The following SRD5A1 variants were observed in gnomAD, a reference collection of about 807,000 sequenced individuals.
SRD5A1 encodes the protein 3-oxo-5-alpha-steroid 4-dehydrogenase 1.
A neutral mutation model predicts 28.2 loss-of-function variants in SRD5A1; 22 were observed. That is an observed-to-expected ratio of 0.78 (90% CI 0.56 to 1.12). The LOEUF (loss-of-function observed/expected upper bound fraction) is 1.12, where lower values mean the gene tolerates loss of function less well. Among genes scored for constraint, SRD5A1 ranks in the 50% most tolerant of loss-of-function variants. The probability of loss-of-function intolerance (pLI) is 0.00; values close to 1 mark genes in which losing one functional copy is unlikely to be tolerated. For synonymous variants in SRD5A1, 151 were observed against 135.0 expected, an observed-to-expected ratio of 1.12 and a Z score of -0.82; for missense variants, 300 against 346.7, an observed-to-expected ratio of 0.87 and a Z score of 1.07.
chr5:6,641,467 C>G (rs377615944), intron 1 of SRD5A1, among the ~76,000 whole-genome samples: 6 of 152,172 alleles, frequency 3.9e-5, no homozygotes, highest in African/African-American at 1.4e-4. Context: ...CAAGTCAGAG[C>G]TCTCTAGAGG....
At chr5:6,648,443 A>G (rs1308163641) in intron 1 of SRD5A1, among the ~76,000 whole-genome samples, 2 of 152,182 alleles carry the variant, frequency 1.3e-5, no homozygotes, top group African/African-American at 4.8e-5. Flanking sequence ...GTCTTTTCAC[A>G]TAGTACCATA....
At chr5:6,661,402 A>AC (rs1738995805) in intron 3 of SRD5A1, among the ~76,000 whole-genome samples, 1 of 151,462 alleles carries the variant, frequency 6.6e-6, no homozygotes, top group African/African-American at 2.4e-5. Context: ...TCCAAAAAAA[A>AC]AAAAAAAAGG....
In SRD5A1 at chr5:6,633,464, C is replaced by T; in HGVS notation, c.-113C>T. 8.2e-7 allele frequency: 1 copy of T among 1,224,608 alleles called. No individual in the cohort carries two copies. Among genetic ancestry groups the T allele is most frequent in the Non-Finnish European group, 1.1e-6 (1 of 932,730 alleles). 75.9% of individuals were successfully genotyped at this position (1,224,608 alleles called of 1,614,324 possible). On this transcript the variant is annotated 5_prime_UTR_variant, in exon 1 of 5. Coordinates refer to ENST00000274192, the MANE Select transcript of SRD5A1 (RefSeq NM_001047.4). Reference sequence around the variant, plus strand: ...CCCTTTCTGCAGAGTCCCGGCAGTGCGGGACTCCGGTAGCCGCCCCTCCGG... The same window carrying T: ...CCCTTTCTGCAGAGTCCCGGCAGTGTGGGACTCCGGTAGCCGCCCCTCCGG...
chr5:6,659,609 G>A (rs760569195), intron 3 of SRD5A1, among the ~76,000 whole-genome samples: 18 of 152,158 alleles, frequency 1.2e-4, no homozygotes, highest in Non-Finnish European at 2.5e-4. Context: ...TTGCAGGTAC[G>A]CACCCTATAC....
chr5:6,640,386 A>G (rs1344870153), intron 1 of SRD5A1, among the ~76,000 whole-genome samples: 1 of 152,244 alleles, frequency 6.6e-6, no homozygotes, highest in African/African-American at 2.4e-5. Flanking sequence ...CTGGCCATTA[A>G]AGCACCAAAT....
intron 1 of SRD5A1, among the ~76,000 whole-genome samples, chr5:6,639,900 A>G (rs971035325): frequency 6.6e-6 from 1 of 152,234 alleles, no homozygotes; most frequent in African/African-American, 2.4e-5. Flanking sequence ...ATATTGTGGT[A>G]TTATCTTTTT....
Position 6,662,979 on chromosome 5 carries a change from A to G in SRD5A1, c.713+13A>G. On this transcript the variant is annotated intron_variant, in intron 4 of 4. Coordinates refer to ENST00000274192, the MANE Select transcript of SRD5A1 (RefSeq NM_001047.4). ...AAGAGCATCATGAGTAAGTTTTAAA[A>G]CACTTTTACCATTTGTAATTTGTTC... is the stretch of plus-strand genomic sequence containing the variant. 1.2e-6 allele frequency: 2 copies of G among 1,613,366 alleles called. No individual in the cohort carries two copies. Among genetic ancestry groups the G allele is most frequent in the Non-Finnish European group, 1.7e-6 (2 of 1,179,636 alleles).
chr5:6,644,338 A>T (rs1738445995), intron 1 of SRD5A1, among the ~76,000 whole-genome samples: 2 of 152,060 alleles, frequency 1.3e-5, no homozygotes, highest in Non-Finnish European at 2.9e-5. Context: ...ATCTTGCTAA[A>T]CCAAATCCAG....
chr5:6,661,394 CAA>C (rs3996846), intron 3 of SRD5A1, among the ~76,000 whole-genome samples: 3 of 128,468 alleles, frequency 2.3e-5, no homozygotes, highest in Non-Finnish European at 3.2e-5. Context: ...TACAAAACTC[CAA>C]AAAAAAAAAA....
intron 1 of SRD5A1, among the ~76,000 whole-genome samples, chr5:6,643,065 C>G (rs1738411618): frequency 6.6e-6 from 1 of 151,438 alleles, no homozygotes; most frequent in Non-Finnish European, 1.5e-5. Flanking sequence ...ATTTTTATCA[C>G]CATCATTTGC....
Position 6,669,426 on chromosome 5 carries a change from T to TA in SRD5A1, c.*1163dup, listed in dbSNP as rs1739297165. On this transcript the variant is annotated 3_prime_UTR_variant, in exon 5 of 5. Coordinates refer to ENST00000274192, the MANE Select transcript of SRD5A1 (RefSeq NM_001047.4). Reference sequence around the variant, plus strand: ...CTTCATGACTTGAATTCTACTTTGATAAAAACATTGCCATACTGCTTTTTA... The same window carrying TA: ...CTTCATGACTTGAATTCTACTTTGATAAAAAACATTGCCATACTGCTTTTTA... 1 of 152,242 alleles carries TA rather than the reference T, an allele frequency of 6.6e-6. No homozygotes were observed. Among genetic ancestry groups the TA allele is most frequent in the South Asian group, 2.1e-4 (1 of 4,830 alleles). 9.4% of individuals were successfully genotyped at this position (152,242 alleles called of 1,614,324 possible).
chr5:6,638,112 G>A (rs904358253), intron 1 of SRD5A1, among the ~76,000 whole-genome samples: 1 of 152,220 alleles, frequency 6.6e-6, no homozygotes, highest in African/African-American at 2.4e-5. Context: ...GCCGAGGAAG[G>A]TGGATCACAC....
Position 6,633,787 on chromosome 5 carries a change from T to A in SRD5A1, c.211T>A (p.Tyr71Asn). Residue 71 changes from tyrosine to asparagine, a missense_variant, in exon 1 of 5, where the codon TAC becomes AAC. By Grantham distance (143) the Tyr-to-Asn change is moderately radical. Transcript: ENST00000274192. ...LPSLALPLYQ[Y>N]ASESAPRLRS... ...CTCGCTGGCCCTGCCGCTCTACCAG[T>A]ACGCCAGCGAGTCCGCCCCGCGTCT... 1 of 1,597,788 alleles carries A rather than the reference T, an allele frequency of 6.3e-7. No homozygotes were observed. Among genetic ancestry groups the A allele is most frequent in the Non-Finnish European group, 8.5e-7 (1 of 1,179,644 alleles).
chr5:6,661,168 A>AC (rs1466958890), intron 3 of SRD5A1, among the ~76,000 whole-genome samples: 1 of 151,968 alleles, frequency 6.6e-6, no homozygotes, highest in East Asian at 1.9e-4. Context: ...ACGTCTACAT[A>AC]CCCCACCTTC....
chr5:6,646,509 G>T (rs969886660), intron 1 of SRD5A1, among the ~76,000 whole-genome samples: 2 of 152,164 alleles, frequency 1.3e-5, no homozygotes, highest in Non-Finnish European at 2.9e-5. Context: ...TTGGGAGGGC[G>T]TATGTGTCCA....
chr5:6,651,867 C>T lies in SRD5A1; in HGVS notation c.319C>T (p.Arg107Ter), dbSNP rs544223350. 1.2e-5 allele frequency: 20 copies of T among 1,610,758 alleles called. No homozygotes were observed. Among genetic ancestry groups the T allele is most frequent in the Non-Finnish European group, 1.4e-5 (16 of 1,178,364 alleles). ...HRCLIYPFLM[R>*]GGKPMPLLAC... ...GTGCTTAATTTACCCATTTCTGATG[C>T]GAGGAGGAAAGCCTATGCCACTGTT... The change falls in exon 2 of 5, where the codon CGA becomes TGA. Residue 107 changes from arginine (R) to a stop codon, truncating the protein, a stop_gained. Coordinates refer to ENST00000274192, the MANE Select transcript of SRD5A1 (RefSeq NM_001047.4). LOFTEE classifies it high-confidence loss of function.
In SRD5A1 at chr5:6,633,722, G is replaced by T; in HGVS notation, c.146G>T (p.Arg49Leu). ...CACGCGCTGCCCAGCCACAGGCTCC[G>T]AGTGCCGGCGCGGGCCGCCTGGGTG... ...GRHALPSHRL[R>L]VPARAAWVVQ... is the part of the protein sequence containing the mutation. The change falls in exon 1 of 5, where the codon CGA becomes CTA. Residue 49 changes from arginine to leucine, a missense_variant. Around this residue, in one of 2 missense-constraint regions of SRD5A1, gnomAD observed 174 missense variants for 160.9 expected, o/e 1.08. Coordinates refer to ENST00000274192, the MANE Select transcript of SRD5A1 (RefSeq NM_001047.4). 3.1e-6 allele frequency: 5 copies of T among 1,594,080 alleles called. No homozygotes were observed. The highest frequency in any genetic ancestry group is 4.2e-6 in the Non-Finnish European group (5 of 1,177,870).
intron 2 of SRD5A1, among the ~76,000 whole-genome samples, chr5:6,653,194 T>C (rs954818088): frequency 2.0e-5 from 3 of 152,190 alleles, no homozygotes; most frequent in Admixed American, 2.0e-4. Context: ...ATGTTTTTTG[T>C]TGGTGAATTA....
rs920460726 is a variant in SRD5A1 at position 6,670,769 on chromosome 5, A to G, written c.*2501A>G. On this transcript the variant is annotated 3_prime_UTR_variant, in exon 5 of 5. Coordinates refer to ENST00000274192, the MANE Select transcript of SRD5A1 (RefSeq NM_001047.4). ...GTCTGATACAGCCATAATCTTCTCT[A>G]TCGGCCATTGCTGTAACCAAAGCTT... 5.9e-5 allele frequency: 9 copies of G among 152,358 alleles called. No homozygotes were observed. The highest frequency in any genetic ancestry group is 2.2e-4 in the African/African-American group (9 of 41,586). The allele number at this position is 152,358 out of a possible 1,614,324, so 9.4% of individuals were successfully genotyped here. A position where few individuals can be genotyped will look rare whatever the true frequency, so the allele number is the denominator to read the frequency against.
Sources: gnomAD v4.1 joint callset for allele counts (sites outside exome capture counted in the v4.1 genomes callset) on GRCh38, gnomAD v4.1.1 for gene constraint, gnomAD v4.1.1 regional missense constraint, MANE v1.5 for transcripts, NCBI Gene and HGNC (gene_info 2026-07-23, HGNC 2026-07-21) for gene names.